The following ACTN4 variants were observed in gnomAD, a reference collection of about 807,000 sequenced individuals.
ACTN4 encodes alpha-actinin-4.
Under a neutral mutation model 114.2 loss-of-function variants are expected in ACTN4, and 18 were observed. The observed-to-expected ratio is 0.16, with a 90% CI of 0.11 to 0.23. The LOEUF is 0.23. ACTN4 is among the 10% of genes least tolerant of loss of function. The pLI is 1.00. For missense variants in ACTN4, 722 were observed against 1,262.9 expected, an observed-to-expected ratio of 0.57 and a Z score of 6.49; for synonymous variants, 515 against 506.3, an observed-to-expected ratio of 1.02 and a Z score of -0.23.
At chr19:38,652,165 C>T (rs1409574611) in intron 1 of ACTN4, among the ~76,000 whole-genome samples, 1 of 151,826 alleles carries the variant, frequency 6.6e-6, no homozygotes, top group Non-Finnish European at 1.5e-5. Context: ...TAACAGTTTT[C>T]AAAATTGAGT....
chr19:38,651,459 G>C (rs1732744081), intron 1 of ACTN4, among the ~76,000 whole-genome samples: 1 of 152,180 alleles, frequency 6.6e-6, no homozygotes, highest in South Asian at 2.1e-4. Context: ...ATTTCTAAAA[G>C]TGGCCTGGGT....
At chr19:38,660,915 A>G (rs2144848327) in intron 1 of ACTN4, among the ~76,000 whole-genome samples, 1 of 152,252 alleles carries the variant, frequency 6.6e-6, no homozygotes, top group East Asian at 1.9e-4. Context: ...TGTGCAGTGC[A>G]GGTACTTCAG....
At position 38,729,163 on chromosome 19, in the gene ACTN4, G is replaced by T; in HGVS notation, c.2577+9G>T. On this transcript the variant is annotated intron_variant, in intron 20 of 20. Transcript: ENST00000252699. ...TCTTAGCAGGGGACAAGGTGAGCGA[G>T]ACCCCTACGAGGTGCATGGGGGCTG... 1 of 1,612,966 alleles carries T rather than the reference G, an allele frequency of 6.2e-7. No individual in the cohort carries two copies.
chr19:38,647,689 AGGGGCGGGAGCT>A lies in ACTN4; in HGVS notation c.-55_-44del, dbSNP rs960319364. 2.0e-6 allele frequency: 3 copies of A among 1,503,086 alleles called. No homozygotes were observed. Among genetic ancestry groups the A allele is most frequent in the Admixed American group, 2.2e-5 (1 of 45,982 alleles). 93.1% of individuals were successfully genotyped at this position (1,503,086 alleles called of 1,614,324 possible). A position where few individuals can be genotyped will look rare whatever the true frequency, so the allele number is the denominator to read the frequency against. On this transcript the variant is annotated 5_prime_UTR_variant, in exon 1 of 21. Transcript: ENST00000252699. ...GCGGTAGCGGCGGCGGCTCGGGCAG[AGGGGCGGGAGCT>A]GAGGCGGGAGCGGACAGGCTGGTGG... is the stretch of plus-strand genomic sequence containing the variant.
intron 1 of ACTN4, among the ~76,000 whole-genome samples, chr19:38,687,743 C>A (rs773863984): frequency 1.6e-4 from 24 of 152,174 alleles, no homozygotes; most frequent in Non-Finnish European, 3.2e-4. Flanking sequence ...TTAGATATGA[C>A]AGCAGAAACA....
At chr19:38,650,297 G>A (rs1976522434) in intron 1 of ACTN4, among the ~76,000 whole-genome samples, 1 of 152,104 alleles carries the variant, frequency 6.6e-6, no homozygotes, top group African/African-American at 2.4e-5. Flanking sequence ...GAGTTAGGGT[G>A]TGGGCTTTGT....
chr19:38,721,731 A>G lies in ACTN4; in HGVS notation c.1442+43A>G, dbSNP rs752672272. On this transcript the variant is annotated intron_variant, in intron 12 of 20. Transcript: ENST00000252699. The stretch of plus-strand genomic sequence containing the variant: ...ACACTATCATCACCTGGCTCTCACC[A>G]CAGCCTGCCCAGACTGGTGGCGGCA... 6.2e-6 allele frequency: 10 copies of G among 1,606,136 alleles called. No individual in the cohort carries two copies. The South Asian group carries it at 6.6e-5, about 11-fold the overall frequency.
intron 20 of ACTN4, 30 bp from the exon 21 acceptor site, chr19:38,729,244 T>C (rs374702949): frequency 3.0e-5 from 48 of 1,612,500 alleles, no homozygotes; most frequent in Non-Finnish European, 4.1e-5. Context: ...TGGGTGGGGA[T>C]GGCTCAGAGT....
rs1437855286 is a variant in ACTN4, at chr19:38,729,931, C to T, written c.*499C>T. ...CCCAGCCCCTCTCCCCTCTCTGCTC[C>T]AGACTCACTTGCCATTGCCAGGAGA... On this transcript the variant is annotated 3_prime_UTR_variant, in exon 21 of 21. Coordinates refer to ENST00000252699, the MANE Select transcript of ACTN4 (RefSeq NM_004924.6). The T allele has an allele frequency of 1.2e-5, 4 of 343,892 alleles. No individual in the cohort carries two copies. The highest frequency in any genetic ancestry group is 8.3e-5 in the Admixed American group (2 of 24,130). The allele number at this position is 343,892 out of a possible 1,614,324, so 21.3% of individuals were successfully genotyped here.
intron 1 of ACTN4, among the ~76,000 whole-genome samples, chr19:38,687,603 C>T (rs1386477886): frequency 6.6e-6 from 1 of 152,190 alleles, no homozygotes; most frequent in East Asian, 1.9e-4. Context: ...GAAGTTGAAC[C>T]TTTACCTCAC....
chr19:38,720,788 C>T (rs977523912), intron 11 of ACTN4, among the ~76,000 whole-genome samples: 10 of 152,248 alleles, frequency 6.6e-5, no homozygotes, highest in Non-Finnish European at 1.3e-4. Context: ...CTGAGGGGAT[C>T]TCCGCTACCA....
rs771066917 is a variant in ACTN4, at chr19:38,729,047, G to A, written c.2470G>A (p.Gly824Ser). The change falls in exon 20 of 21, where the codon GGC becomes AGC. Residue 824 changes from glycine to serine, a missense_variant. By Grantham distance (56) the Gly-to-Ser change is moderately conservative. Coordinates refer to ENST00000252699, the MANE Select transcript of ACTN4 (RefSeq NM_004924.6). ...IMSLVDPNHS[G>S]LVTFQAFIDF... ...GAGCCTGGTCGACCCCAACCATAGCGGCCTTGTGACCTTCCAAGCCTTCAT... is the reference window on the plus strand; with the variant it reads ...GAGCCTGGTCGACCCCAACCATAGCAGCCTTGTGACCTTCCAAGCCTTCAT... The A allele has an allele frequency of 1.2e-5, 20 of 1,613,558 alleles. No individual in the cohort carries two copies. The highest frequency in any genetic ancestry group is 1.6e-4 in the Middle Eastern group (1 of 6,062).
At position 38,728,095 on chromosome 19, in the gene ACTN4, C is replaced by G; in HGVS notation, c.2418+69C>G. 5.9e-6 allele frequency: 9 copies of G among 1,528,842 alleles called. No homozygotes were observed. In the South Asian group the frequency reaches 1.1e-4, roughly 18 times the overall value. 94.7% of individuals were successfully genotyped at this position (1,528,842 alleles called of 1,614,324 possible). ...TCTCTCTCTCTCTCCTTCTCTCTTT[C>G]TCCCCTCGCCATCCCACCCCTGCCA... On this transcript the variant is annotated intron_variant, in intron 19 of 20. Transcript: ENST00000252699.
chr19:38,666,055 AC>A (rs904949732), intron 1 of ACTN4, among the ~76,000 whole-genome samples: 4 of 152,068 alleles, frequency 2.6e-5, no homozygotes, highest in Non-Finnish European at 5.9e-5. Flanking sequence ...CCAGCTGCCG[AC>A]CTGGAACGTG....
chr19:38,661,842 C>G (rs779817970), intron 1 of ACTN4, among the ~76,000 whole-genome samples: 1 of 152,202 alleles, frequency 6.6e-6, no homozygotes, highest in East Asian at 1.9e-4. Context: ...TTTGTAGAGA[C>G]GGGGTTTCAC....
At chr19:38,659,498 C>G (rs1198942529) in intron 1 of ACTN4, among the ~76,000 whole-genome samples, 1 of 152,106 alleles carries the variant, frequency 6.6e-6, no homozygotes, top group African/African-American at 2.4e-5. Flanking sequence ...ACACTTGACT[C>G]CTATTAGCCT....
chr19:38,647,918 C>T lies in ACTN4; in HGVS notation c.162+11C>T, dbSNP rs375225251. 6 of 1,393,324 alleles carry T rather than the reference C, an allele frequency of 4.3e-6. No individual in the cohort carries two copies. Among genetic ancestry groups the T allele is most frequent in the Non-Finnish European group, 4.7e-6 (5 of 1,062,310 alleles). The allele number at this position is 1,393,324 out of a possible 1,614,324, so 86.3% of individuals were successfully genotyped here. On this transcript the variant is annotated intron_variant, in intron 1 of 20. Transcript: ENST00000252699. ...AAGCAGCAGCGCAAGGTGCGCGGCC[C>T]GCGGGCCGGACGGGCTGGAGGGGCT...
chr19:38,673,729 ATATATATT>A lies in ACTN4; in HGVS notation c.162+25838_162+25845del, dbSNP rs1193611715. Among the ~76,000 whole-genome samples, 24 of 102,734 alleles carry A rather than the reference ATATATATT, an allele frequency of 2.3e-4. 6 individuals carry two copies. The highest frequency in any genetic ancestry group is 1.3e-4 in the Non-Finnish European group (7 of 53,058). 67.4% of individuals were successfully genotyped at this position (102,734 alleles called of 152,430 possible). A position where few individuals can be genotyped will look rare whatever the true frequency, so the allele number is the denominator to read the frequency against. ...TATATTTATATATTTATATATACTT[ATATATATT>A]TATATATTTATATATATTTTTATAT... is the stretch of plus-strand genomic sequence containing the variant. On this transcript the variant is annotated intron_variant, in intron 1 of 20. Transcript: ENST00000252699.
intron 8 of ACTN4, among the ~76,000 whole-genome samples, chr19:38,713,581 C>T (rs897001958): frequency 6.6e-6 from 1 of 152,100 alleles, no homozygotes; most frequent in Non-Finnish European, 1.5e-5. Flanking sequence ...ACACGAGCAC[C>T]GGCTGCCGCC....
Sources: allele counts gnomAD v4.1 joint callset (sites outside exome capture counted in the v4.1 genomes callset), GRCh38; gene constraint gnomAD v4.1.1; transcripts MANE v1.5; gene names NCBI Gene and HGNC (gene_info 2026-07-23, HGNC 2026-07-21).